CDYL: variants seen among roughly 807,000 people sequenced by gnomAD.
CDYL encodes chromodomain Y-like protein.
Under a neutral mutation model 47.3 loss-of-function variants are expected in CDYL, and 8 were observed. The ratio of observed to expected loss-of-function variants is 0.17; its 90% CI spans 0.10 to 0.31. The LOEUF (loss-of-function observed/expected upper bound fraction) is 0.31, where lower values mean the gene tolerates loss of function less well. Ranked by LOEUF, CDYL falls within the 10% of genes least tolerant of loss-of-function variation. The pLI is 1.00. For missense variants in CDYL, 471 were observed against 701.4 expected (o/e 0.67, Z 3.71); for synonymous variants, 266 against 265.0 (o/e 1.00, Z -0.04).
rs575634775 is a variant in CDYL at position 4,735,766 on chromosome 6, C to CA, written c.186+933dup. Among the ~76,000 whole-genome samples, 1,247 of 145,434 alleles carry CA rather than the reference C, an allele frequency of 8.6e-3. 12 individuals are homozygous for CA. Among genetic ancestry groups the CA allele is most frequent in the South Asian group, 0.028 (127 of 4,596 alleles). ...GGGCAACAAGAGCGAAACTCCATCT[C>CA]AAAAAAAAAAATAGTTGTACATATT... On this transcript the variant is annotated intron_variant, in intron 3 of 8. Coordinates refer to the CDYL transcript ENST00000328908.
intron 1 of CDYL, among the ~76,000 whole-genome samples, chr6:4,780,312 A>C (rs1758577081): frequency 6.8e-6 from 1 of 146,164 alleles, no homozygotes; most frequent in Non-Finnish European, 1.5e-5. Context: ...AGCTCACTAC[A>C]ACCTCTGCCT....
At chr6:4,801,911 C>T (rs1759236847) in intron 1 of CDYL, among the ~76,000 whole-genome samples, 1 of 152,208 alleles carries the variant, frequency 6.6e-6, no homozygotes, top group Non-Finnish European at 1.5e-5. Flanking sequence ...GTGGTTTCCT[C>T]AGCACATATG....
intron 2 of CDYL, among the ~76,000 whole-genome samples, chr6:4,716,940 G>A (rs1482800366): frequency 1.3e-5 from 2 of 152,134 alleles, no homozygotes; most frequent in African/African-American, 4.8e-5. Flanking sequence ...GAGGGACACA[G>A]CTATGGAAAA....
At chr6:4,805,208 T>G (rs376487731) in intron 1 of CDYL, among the ~76,000 whole-genome samples, 1 of 152,238 alleles carries the variant, frequency 6.6e-6, no homozygotes, top group Non-Finnish European at 1.5e-5. Context: ...TGCTTTACTT[T>G]TAGAAACTTT....
At chr6:4,719,970 C>T (rs955684880) in intron 2 of CDYL, among the ~76,000 whole-genome samples, 33 of 152,202 alleles carry the variant, frequency 2.2e-4, no homozygotes, top group Non-Finnish European at 2.6e-4. Flanking sequence ...TATTTCTCTC[C>T]GTAGTCCATT....
chr6:4,819,162 C>CTGTGTG (rs374323088), intron 1 of CDYL, among the ~76,000 whole-genome samples: 2 of 112,000 alleles, frequency 1.8e-5, no homozygotes, highest in South Asian at 2.7e-4. Context: ...CTCTCTCTCT[C>CTGTGTG]TGTGTGTGTG....
At chr6:4,856,805 CT>C (rs1761022401) in intron 1 of CDYL, among the ~76,000 whole-genome samples, 1 of 152,114 alleles carries the variant, frequency 6.6e-6, no homozygotes, top group Middle Eastern at 3.2e-3. Flanking sequence ...CCTTTTACAC[CT>C]CATTGGAAAA....
chr6:4,739,794 A>C (rs113641778), intron 3 of CDYL, among the ~76,000 whole-genome samples: 4,431 of 151,986 alleles, frequency 0.029, 89 homozygotes, highest in Non-Finnish European at 0.046. Flanking sequence ...CTCTACTAAA[A>C]AATACAAAAT....
intron 1 of CDYL, among the ~76,000 whole-genome samples, chr6:4,838,213 AAGTTCCTT>A (rs1581202426): frequency 6.6e-6 from 1 of 152,144 alleles, no homozygotes; most frequent in East Asian, 1.9e-4. Context: ...TTACATGAAT[AAGTTCCTT>A]AGTGGTGATT....
chr6:4,777,172 G>C (rs527846750), intron 1 of CDYL, among the ~76,000 whole-genome samples: 28 of 150,520 alleles, frequency 1.9e-4, no homozygotes, highest in Middle Eastern at 6.8e-3. Flanking sequence ...GTGGGGTGTG[G>C]GGGGGTTTCT....
At chr6:4,792,138 C>T (rs905201872) in intron 1 of CDYL, among the ~76,000 whole-genome samples, 3 of 151,530 alleles carry the variant, frequency 2.0e-5, no homozygotes, top group Non-Finnish European at 2.9e-5. Flanking sequence ...GTGATCCACC[C>T]GCCTCGGCCT....
intron 2 of CDYL, chr6:4,724,863 G>A (rs888750308): frequency 2.6e-5 from 4 of 152,232 alleles, no homozygotes; most frequent in East Asian, 1.9e-4. Context: ...CCAAACCGTG[G>A]AAAAAGACCA....
intron 2 of CDYL, among the ~76,000 whole-genome samples, chr6:4,727,875 G>A (rs974138987): frequency 2.0e-5 from 3 of 152,088 alleles, no homozygotes; most frequent in Admixed American, 1.3e-4. Flanking sequence ...TCTTTCTGTG[G>A]TTTAGGACTG....
intron 1 of CDYL, among the ~76,000 whole-genome samples, chr6:4,710,379 G>GGGAAGGAAGGAAGGAA (rs371019380): frequency 0.06 from 6,105 of 101,226 alleles, 424 homozygotes; most frequent in East Asian, 0.2. Context: ...GAGGGAGGGA[G>GGGAAGGAAGGAAGGAA]GGAAGGAAGG....
chr6:4,723,506 T>C (rs1011430656), intron 2 of CDYL, among the ~76,000 whole-genome samples: 4 of 152,162 alleles, frequency 2.6e-5, no homozygotes, highest in Non-Finnish European at 4.4e-5. Context: ...AGAAGCATCC[T>C]GGGCTAGCAA....
intron 3 of CDYL, among the ~76,000 whole-genome samples, chr6:4,767,935 A>AC (rs1226494155): frequency 6.7e-6 from 1 of 150,316 alleles, no homozygotes; most frequent in African/African-American, 2.5e-5. Flanking sequence ...CTCTCCTCCA[A>AC]CCACTTTCTC....
At chr6:4,771,394 G>A (rs902599113) in intron 3 of CDYL, among the ~76,000 whole-genome samples, 59 of 152,264 alleles carry the variant, frequency 3.9e-4, no homozygotes, top group African/African-American at 1.3e-3. Flanking sequence ...GATTACAGGC[G>A]TCAGCCACCA....
intron 1 of CDYL, among the ~76,000 whole-genome samples, chr6:4,794,777 T>C (rs1759023851): frequency 6.7e-6 from 1 of 148,308 alleles, no homozygotes; most frequent in African/African-American, 2.6e-5. Flanking sequence ...ACTAGAGTTT[T>C]TGTTGTTGTT....
chr6:4,846,313 T>C (rs1212339592), intron 1 of CDYL, among the ~76,000 whole-genome samples: 1 of 152,216 alleles, frequency 6.6e-6, no homozygotes, highest in Non-Finnish European at 1.5e-5. Context: ...TACTATTTAC[T>C]ATTAACTTTC....
Sources: gnomAD v4.1 joint callset for allele counts (sites outside exome capture counted in the v4.1 genomes callset) on GRCh38, gnomAD v4.1.1 for gene constraint, MANE v1.5 for transcripts, NCBI Gene and HGNC (gene_info 2026-07-23, HGNC 2026-07-21) for gene names.